Variants in TRAK2 observed in about 807,000 individuals in gnomAD.
TRAK2 encodes trafficking kinesin-binding protein 2.
TRAK2 carries 81 observed loss-of-function variants against 104.6 expected under a neutral mutation model. The observed-to-expected ratio is 0.77, with a 90% CI of 0.65 to 0.93. The LOEUF (loss-of-function observed/expected upper bound fraction) is 0.93. Among genes scored for constraint, TRAK2 ranks in the 40% least tolerant of loss-of-function variants. The pLI is 0.00. For synonymous variants in TRAK2, 406 were observed against 394.4 expected, an observed-to-expected ratio of 1.03 and a Z score of -0.35; for missense variants, 1,002 against 1,089.0, an observed-to-expected ratio of 0.92 and a Z score of 1.12.
chr2:201,395,677 C>A (rs1269474548), intron 7 of TRAK2, among the ~76,000 whole-genome samples: 1 of 152,054 alleles, frequency 6.6e-6, no homozygotes, highest in Non-Finnish European at 1.5e-5. Context: ...AGAGAGACGA[C>A]TTATAAAGGC....
In TRAK2 at chr2:201,407,481, TC is replaced by T; in HGVS notation, c.207del (p.Trp69Ter). 6.2e-7 allele frequency: 1 copy of T among 1,613,834 alleles called. No individual in the cohort carries two copies. The highest frequency in any genetic ancestry group is 8.5e-7 in the Non-Finnish European group (1 of 1,179,814). ...TGCTGCCGCTGGTGTGGAGACTGAG[TC>T]CAGTCTTGATTTTCATATAGAAAGA... ...DTLFLYENQD[W>X]TQSPHQRQHA... On this transcript the variant is annotated frameshift_variant, in exon 3 of 16. Transcript: ENST00000332624. LOFTEE classifies it high-confidence loss of function.
chr2:201,412,809 CA>C (rs1576522292), intron 2 of TRAK2: 7 of 968,784 alleles, frequency 7.2e-6, no homozygotes, highest in African/African-American at 1.6e-5. Flanking sequence ...CACTGCTATG[CA>C]AGAATGACAA....
At chr2:201,413,946 T>TA (rs1177368330) in intron 2 of TRAK2, among the ~76,000 whole-genome samples, 4 of 152,252 alleles carry the variant, frequency 2.6e-5, no homozygotes, top group African/African-American at 9.6e-5. Context: ...GCATCAGACG[T>TA]AGCTTCTGAA....
chr2:201,383,488 T>C (rs1951360915), intron 15 of TRAK2, among the ~76,000 whole-genome samples: 1 of 152,234 alleles, frequency 6.6e-6, no homozygotes, highest in Non-Finnish European at 1.5e-5. Flanking sequence ...ATACAGACTG[T>C]AAACACTAAT....
At chr2:201,445,998 C>T (rs987939547) in intron 1 of TRAK2, among the ~76,000 whole-genome samples, 1 of 152,264 alleles carries the variant, frequency 6.6e-6, no homozygotes, top group East Asian at 1.9e-4. Flanking sequence ...GAAGGATTTA[C>T]GGGTTTGTGA....
rs1413174705 is a variant in TRAK2 at position 201,411,616 on chromosome 2, A to G, written c.92-4019T>C. ...ATACTCAGGGGAATAAGATGAGGCA[A>G]TACTTTTCCAGTCAGCTGCTCTTTG... On this transcript the variant is annotated intron_variant, in intron 2 of 15. Transcript: ENST00000332624. 3 of 799,790 alleles carry G rather than the reference A, an allele frequency of 3.8e-6. No homozygotes were observed. The East Asian group carries it at 7.3e-5, about 20-fold the overall frequency. 49.5% of individuals were successfully genotyped at this position (799,790 alleles called of 1,614,324 possible).
chr2:201,388,100 A>G (rs1377800611), intron 12 of TRAK2, 99 bp from the exon 13 acceptor site: 1 of 1,275,560 alleles, frequency 7.8e-7, no homozygotes. Context: ...GACTGATATT[A>G]AAAACATGAT....
intron 1 of TRAK2, among the ~76,000 whole-genome samples, chr2:201,422,042 T>G (rs1951745601): frequency 8.7e-6 from 1 of 114,718 alleles, no homozygotes; most frequent in Non-Finnish European, 1.8e-5. Flanking sequence ...AGAGCAAGAC[T>G]CTGTCTCAAA....
At chr2:201,446,550 CTT>C (rs1345144603) in intron 1 of TRAK2, among the ~76,000 whole-genome samples, 1 of 152,232 alleles carries the variant, frequency 6.6e-6, no homozygotes, top group East Asian at 1.9e-4. Context: ...ACTCTGCCCT[CTT>C]TTCACAAATA....
chr2:201,451,254 T>G (rs1952032902), intron 1 of TRAK2, 96 bp downstream of exon 1: 2 of 152,284 alleles, frequency 1.3e-5, no homozygotes, highest in South Asian at 2.1e-4. Context: ...GCGCGTGACC[T>G]CCGGGTACCG....
In TRAK2 at chr2:201,447,400, C is replaced by T. The variant is rs1951972640; in HGVS notation, c.-200+3950G>A. 6.6e-6 allele frequency among the ~76,000 whole-genome samples: 1 copy of T among 152,208 alleles called. No individual in the cohort carries two copies. The highest frequency in any genetic ancestry group is 1.5e-5 in the Non-Finnish European group (1 of 68,036). ...TATGTCATTCCTTTTGCCTAGAACACCTATTTGTTAGTTTGCTAGGGGTTC... is the reference window on the plus strand; with the variant it reads ...TATGTCATTCCTTTTGCCTAGAACATCTATTTGTTAGTTTGCTAGGGGTTC... On this transcript the variant is annotated intron_variant, in intron 1 of 15. Coordinates refer to ENST00000332624, the MANE Select transcript of TRAK2 (RefSeq NM_015049.3). The surrounding 1 kb of genome is among the most constrained non-coding windows in gnomAD (Gnocchi z 4.1).
intron 1 of TRAK2, chr2:201,423,595 T>C (rs1951761439): frequency 6.6e-6 from 1 of 152,154 alleles, no homozygotes. Flanking sequence ...ACTGCTAAAT[T>C]TGGCTTAAAA....
intron 10 of TRAK2, 149 bp from the exon 11 acceptor site, chr2:201,390,029 C>G (rs1001207392): frequency 1.7e-5 from 10 of 579,940 alleles, no homozygotes; most frequent in African/African-American, 1.5e-4. Flanking sequence ...GGAAATATAA[C>G]TTTTAAATAA....
At chr2:201,424,421 A>C (rs1951768856) in intron 1 of TRAK2, among the ~76,000 whole-genome samples, 1 of 152,214 alleles carries the variant, frequency 6.6e-6, no homozygotes, top group Non-Finnish European at 1.5e-5. Context: ...AAATCTAAGA[A>C]TAAATGTGCT....
chr2:201,449,120 C>G (rs555620412), intron 1 of TRAK2, among the ~76,000 whole-genome samples: 1 of 151,380 alleles, frequency 6.6e-6, no homozygotes, highest in East Asian at 1.9e-4. Context: ...CTGAGCAGTT[C>G]AGTAAGAAAT....
intron 4 of TRAK2, among the ~76,000 whole-genome samples, chr2:201,400,430 C>T (rs935676232): frequency 5.3e-5 from 8 of 151,884 alleles, no homozygotes; most frequent in South Asian, 2.1e-4. Context: ...TTTAAATAAT[C>T]GCTAAATGGC....
At chr2:201,415,911 A>C (rs56360544) in intron 2 of TRAK2, among the ~76,000 whole-genome samples, 9,989 of 152,228 alleles carry the variant, frequency 0.066, 408 homozygotes, top group African/African-American at 0.11. Context: ...CAAAATTGCT[A>C]AAAACCAGTG....
intron 1 of TRAK2, among the ~76,000 whole-genome samples, chr2:201,442,762 C>A (rs953267185): frequency 2.0e-5 from 3 of 152,204 alleles, no homozygotes; most frequent in African/African-American, 7.2e-5. Context: ...AGCTTTCGCT[C>A]CAAACTGAGA....
chr2:201,413,348 C>A, intron 2 of TRAK2: 1 of 943,090 alleles, frequency 1.1e-6, no homozygotes, highest in Non-Finnish European at 1.6e-6. Context: ...TTTTCCCTCT[C>A]CTTCCAGGAG....
Sources: allele counts gnomAD v4.1 joint callset (sites outside exome capture counted in the v4.1 genomes callset), GRCh38; gene constraint gnomAD v4.1.1; non-coding constraint Gnocchi (gnomAD v3.1); transcripts MANE v1.5; gene names NCBI Gene and HGNC (gene_info 2026-07-23, HGNC 2026-07-21).